The following VASH1 variants were observed in gnomAD, a reference collection of about 807,000 sequenced individuals.
VASH1 encodes the protein tubulinyl-Tyr carboxypeptidase 1.
A neutral mutation model predicts 35.0 loss-of-function variants in VASH1; 16 were observed. The ratio of observed to expected loss-of-function variants is 0.46; its 90% CI spans 0.31 to 0.70. The LOEUF (loss-of-function observed/expected upper bound fraction) is 0.70. Among genes scored for constraint, VASH1 ranks in the 30% least tolerant of loss-of-function variants. The pLI is 0.05. For synonymous variants in VASH1, 214 were observed against 200.9 expected, an observed-to-expected ratio of 1.07 and a Z score of -0.55; for missense variants, 505 against 510.7, an observed-to-expected ratio of 0.99 and a Z score of 0.11.
intron 4 of VASH1, chr14:76,774,269 T>C (rs1893872090): frequency 6.6e-6 from 1 of 152,232 alleles, no homozygotes; most frequent in East Asian, 1.9e-4. Context: ...AACGCCACTA[T>C]GGCAGGCATT....
chr14:76,773,297 A>G, intron 4 of VASH1, 86 bp downstream of exon 4: 1 of 1,395,356 alleles, frequency 7.2e-7, no homozygotes. Context: ...GGTAGGTTGA[A>G]TGGGCTCCAG....
intron 1 of VASH1, among the ~76,000 whole-genome samples, chr14:76,764,519 G>T (rs550588224): frequency 1.3e-5 from 2 of 152,220 alleles, no homozygotes; most frequent in East Asian, 3.9e-4. Flanking sequence ...TATTGACATT[G>T]GTAGGGGTCA....
chr14:76,773,446 C>T (rs954276347), intron 4 of VASH1: 33 of 543,874 alleles, frequency 6.1e-5, no homozygotes, highest in Non-Finnish European at 1.0e-4. Context: ...GCTTACTGGG[C>T]AGCTCTTTTT....
At chr14:76,772,973 G>T (rs527308124) in intron 3 of VASH1, among the ~76,000 whole-genome samples, 164 bp from the exon 4 acceptor site, 2 of 152,334 alleles carry the variant, frequency 1.3e-5, no homozygotes, top group South Asian at 2.1e-4. Flanking sequence ...CCAGACTTCC[G>T]TCCGTCGGGA....
In VASH1 at chr14:76,761,938, T is replaced by C. The variant is rs1351721440; in HGVS notation, c.-884T>C. ...CGGTCCCGCTGAGCCGCGGGCCCCG[T>C]GCCCTGCGATGGCTCGGCTGGTGCA... On this transcript the variant is annotated 5_prime_UTR_variant, in exon 1 of 7. Coordinates refer to ENST00000167106, the MANE Select transcript of VASH1 (RefSeq NM_014909.5). Among the ~76,000 whole-genome samples, 3 of 151,798 alleles carry C rather than the reference T, an allele frequency of 2.0e-5. No homozygotes were observed. The East Asian group carries it at 5.8e-4, about 30-fold the overall frequency.
chr14:76,778,191 A>G (rs1894000941), intron 6 of VASH1, 120 bp downstream of exon 6: 2 of 713,988 alleles, frequency 2.8e-6, no homozygotes. Context: ...GCTCCCACCC[A>G]AGGGAGGTGA....
At chr14:76,778,246 A>G (rs1459255857) in intron 6 of VASH1, among the ~76,000 whole-genome samples, 175 bp downstream of exon 6, 1 of 152,036 alleles carries the variant, frequency 6.6e-6, no homozygotes, top group African/African-American at 2.4e-5. Flanking sequence ...CATTTCCCAC[A>G]GCAAGGCAGT....
At chr14:76,769,681 A>G (rs573249557) in intron 1 of VASH1, among the ~76,000 whole-genome samples, 2 of 152,330 alleles carry the variant, frequency 1.3e-5, no homozygotes, top group East Asian at 1.9e-4. Context: ...GAATTAACCT[A>G]TGTTTTTCTG....
intron 1 of VASH1, among the ~76,000 whole-genome samples, chr14:76,764,445 T>C (rs186852721): frequency 6.6e-6 from 1 of 152,344 alleles, no homozygotes; most frequent in East Asian, 1.9e-4. Flanking sequence ...ATATAAATTT[T>C]GGGGTTCATC....
chr14:76,764,183 A>C (rs1257481782), intron 1 of VASH1, among the ~76,000 whole-genome samples: 1 of 152,218 alleles, frequency 6.6e-6, no homozygotes, highest in African/African-American at 2.4e-5. Context: ...AGACATGAGG[A>C]CAAGTGGCCC....
chr14:76,771,094 C>A, intron 2 of VASH1, 96 bp from the exon 3 acceptor site: 1 of 1,171,216 alleles, frequency 8.5e-7, no homozygotes, highest in South Asian at 1.9e-5. Flanking sequence ...CCCATCTCCC[C>A]TCCAGGAGAC....
In VASH1 at chr14:76,778,971, G is replaced by T; in HGVS notation, c.1051G>T (p.Glu351Ter). 1 of 1,614,166 alleles carries T rather than the reference G, an allele frequency of 6.2e-7. No individual in the cohort carries two copies. The highest frequency in any genetic ancestry group is 8.5e-7 in the Non-Finnish European group (1 of 1,180,040). The change falls in exon 7 of 7, where the codon GAG becomes TAG. Residue 351 changes from glutamate (E) to a stop codon, truncating the protein, a stop_gained. Transcript: ENST00000167106. LOFTEE classifies it high-confidence loss of function. ...RRPSGDKKTS[E>*]PKAMPDLNGY... Reference sequence around the variant, plus strand: ...GCCCTCGGGTGACAAGAAGACTTCCGAGCCCAAAGCCATGCCAGACCTTAA... The same window carrying T: ...GCCCTCGGGTGACAAGAAGACTTCCTAGCCCAAAGCCATGCCAGACCTTAA...
chr14:76,763,600 G>A (rs1007687658), intron 1 of VASH1, among the ~76,000 whole-genome samples: 1 of 152,170 alleles, frequency 6.6e-6, no homozygotes, highest in Non-Finnish European at 1.5e-5. Context: ...TTTTACAGAT[G>A]AGAAAGCTGA....
intron 1 of VASH1, among the ~76,000 whole-genome samples, chr14:76,767,792 A>G (rs2140175835): frequency 6.6e-6 from 1 of 152,364 alleles, no homozygotes; most frequent in East Asian, 1.9e-4. Context: ...TCAAGGAGCT[A>G]GCCTCGGTGA....
chr14:76,769,561 C>G (rs1893735498), intron 1 of VASH1: 23 of 1,123,394 alleles, frequency 2.0e-5, no homozygotes, highest in Middle Eastern at 7.2e-4. Context: ...CCGGATATAC[C>G]AGCTTTGATC....
intron 5 of VASH1, among the ~76,000 whole-genome samples, chr14:76,776,717 G>C (rs979724913): frequency 2.0e-5 from 3 of 152,180 alleles, no homozygotes; most frequent in Non-Finnish European, 4.4e-5. Context: ...ACCCACACTT[G>C]AGCAGGAGGT....
At chr14:76,767,048 C>A (rs562575875) in intron 1 of VASH1, among the ~76,000 whole-genome samples, 4 of 152,078 alleles carry the variant, frequency 2.6e-5, no homozygotes, top group African/African-American at 9.6e-5. Context: ...AGTTCGAGAC[C>A]AGTCTGGCCA....
In VASH1 at chr14:76,778,141, CTTTT is replaced by C; in HGVS notation, c.1025+78_1025+81del. The C allele has an allele frequency of 5.4e-6, 5 of 931,950 alleles. No homozygotes were observed. In the South Asian group the frequency reaches 1.0e-4, roughly 20 times the overall value. 57.7% of individuals were successfully genotyped at this position (931,950 alleles called of 1,614,324 possible). A position where few individuals can be genotyped will look rare whatever the true frequency, so the allele number is the denominator to read the frequency against. ...TCCTTTCCTCTCATCGTGTGGGTCC[CTTTT>C]TTTTTTTATCTCTCTCCCACCCTTC... On this transcript the variant is annotated intron_variant, in intron 6 of 6. Coordinates refer to ENST00000167106, the MANE Select transcript of VASH1 (RefSeq NM_014909.5).
intron 1 of VASH1, among the ~76,000 whole-genome samples, chr14:76,765,325 A>G (rs955302575): frequency 1.3e-5 from 2 of 152,184 alleles, no homozygotes; most frequent in African/African-American, 4.8e-5. Flanking sequence ...AGACCCCTAG[A>G]CTTCCATCGC....
Sources: gnomAD v4.1 joint callset for allele counts (sites outside exome capture counted in the v4.1 genomes callset) on GRCh38, gnomAD v4.1.1 for gene constraint, MANE v1.5 for transcripts, NCBI Gene and HGNC (gene_info 2026-07-23, HGNC 2026-07-21) for gene names.